Variants in PLCL1 observed in about 807,000 individuals in gnomAD.
The protein encoded by PLCL1 is inactive phospholipase C-like protein 1.
Under a neutral mutation model 84.4 loss-of-function variants are expected in PLCL1, and 41 were observed. The ratio of observed to expected loss-of-function variants is 0.49; its 90% confidence interval spans 0.38 to 0.63. PLCL1 has a LOEUF of 0.63. PLCL1 is among the 30% of genes least tolerant of loss of function. The pLI is 0.00. For synonymous variants in PLCL1, 490 were observed against 488.3 expected (o/e 1.00, Z -0.05); for missense variants, 1,206 against 1,367.8 (o/e 0.88, Z 1.87).
At chr2:198,009,595 T>C (rs1363794706) in intron 1 of PLCL1, among the ~76,000 whole-genome samples, 2 of 152,050 alleles carry the variant, frequency 1.3e-5, no homozygotes, top group East Asian at 3.8e-4. Flanking sequence ...TTCTTTGCAG[T>C]AGGTTTTGAA....
chr2:197,856,445 C>A (rs1461415752), intron 1 of PLCL1, among the ~76,000 whole-genome samples: 1 of 151,864 alleles, frequency 6.6e-6, no homozygotes, highest in Non-Finnish European at 1.5e-5. Flanking sequence ...TTTTATAAAA[C>A]AACTTACCAA....
chr2:198,096,507 T>C (rs1693196931), intron 3 of PLCL1, among the ~76,000 whole-genome samples: 1 of 152,162 alleles, frequency 6.6e-6, no homozygotes, highest in Non-Finnish European at 1.5e-5. Context: ...TTATGAAAAA[T>C]ATTTGGGTAA....
chr2:198,139,334 T>A (rs1457107082), intron 5 of PLCL1, among the ~76,000 whole-genome samples: 1 of 152,236 alleles, frequency 6.6e-6, no homozygotes, highest in East Asian at 1.9e-4. Flanking sequence ...CAAATACAAC[T>A]AGTCTATTGC....
chr2:198,100,040 T>C (rs748591924), intron 3 of PLCL1, among the ~76,000 whole-genome samples: 5 of 152,120 alleles, frequency 3.3e-5, no homozygotes, highest in African/African-American at 1.2e-4. Flanking sequence ...AAAAGAGAGA[T>C]GGGAGTTCAA....
chr2:197,913,978 T>C (rs1002986058), intron 1 of PLCL1, among the ~76,000 whole-genome samples: 1 of 152,186 alleles, frequency 6.6e-6, no homozygotes, highest in Non-Finnish European at 1.5e-5. Flanking sequence ...CTAATTAATA[T>C]GTTACTATTT....
chr2:197,948,741 G>C (rs147188942), intron 1 of PLCL1, among the ~76,000 whole-genome samples: 49 of 152,150 alleles, frequency 3.2e-4, no homozygotes, highest in African/African-American at 1.1e-3. Flanking sequence ...TATTGTATAG[G>C]GAACATCAAA....
In PLCL1 at chr2:198,085,688, A is replaced by T; in HGVS notation, c.2171A>T (p.His724Leu). 1 of 1,614,160 alleles carries T rather than the reference A, an allele frequency of 6.2e-7. No individual in the cohort carries two copies. Among genetic ancestry groups the T allele is most frequent in the Non-Finnish European group, 8.5e-7 (1 of 1,179,998 alleles). Residue 724 changes from histidine (H) to leucine (L), a missense_variant, in exon 2 of 6, where the codon CAT (histidine) becomes CTT (leucine). Coordinates refer to ENST00000428675, the MANE Select transcript of PLCL1 (RefSeq NM_006226.4). The surrounding 1 kb of genome is among the most constrained non-coding windows in gnomAD (Gnocchi z 5.3). The stretch of plus-strand genomic sequence containing the variant: ...CCTGGGGTGTCTCCTCTAGCTCTTC[A>T]TATCAAGATCATCAGTGGTCAGAAT... Reference protein sequence around the residue: ...ILPGVSPLALHIKIISGQNFP... With the variant: ...ILPGVSPLALLIKIISGQNFP...
At chr2:197,979,160 T>A (rs531154218) in intron 1 of PLCL1, among the ~76,000 whole-genome samples, 33 of 152,352 alleles carry the variant, frequency 2.2e-4, no homozygotes, top group African/African-American at 7.7e-4. Flanking sequence ...GTATCTGTTA[T>A]GGACTTAGAG....
chr2:197,961,317 G>T (rs1336040839), intron 1 of PLCL1, among the ~76,000 whole-genome samples: 4 of 151,172 alleles, frequency 2.6e-5, no homozygotes, highest in East Asian at 2.0e-4. Flanking sequence ...TGCTTGGGAG[G>T]TGTATGCTTG....
intron 1 of PLCL1, among the ~76,000 whole-genome samples, chr2:198,058,264 T>C (rs1692112894): frequency 6.6e-6 from 1 of 152,320 alleles, no homozygotes; most frequent in East Asian, 1.9e-4. Flanking sequence ...TGGTTTTATA[T>C]AGACATTGCT....
At chr2:198,053,891 A>G (rs1009523933) in intron 1 of PLCL1, among the ~76,000 whole-genome samples, 9 of 152,192 alleles carry the variant, frequency 5.9e-5, no homozygotes, top group African/African-American at 2.2e-4. Flanking sequence ...AGAGCATGTC[A>G]AAGAAGATAA....
Position 198,148,137 on chromosome 2 carries a change from G to C in PLCL1, c.*1175G>C, listed in dbSNP as rs904197506. 6.6e-6 allele frequency: 1 copy of C among 152,162 alleles called. No individual in the cohort carries two copies. Among genetic ancestry groups the C allele is most frequent in the African/African-American group, 2.4e-5 (1 of 41,398 alleles). 9.4% of individuals were successfully genotyped at this position (152,162 alleles called of 1,614,324 possible). A position where few individuals can be genotyped will look rare whatever the true frequency, so the allele number is the denominator to read the frequency against. ...ATTTTTACCCTAATGTCTTCATAAA[G>C]TACTTGAGTGTAATGTTTGTTACCT... On this transcript the variant is annotated 3_prime_UTR_variant, in exon 6 of 6. Transcript: ENST00000428675.
At chr2:198,102,523 C>T (rs752959910) in intron 4 of PLCL1, among the ~76,000 whole-genome samples, 3 of 151,982 alleles carry the variant, frequency 2.0e-5, no homozygotes, top group African/African-American at 4.8e-5. Flanking sequence ...GTGGTAGATC[C>T]CTGACCTCAT....
At chr2:197,967,100 G>C (rs1346940747) in intron 1 of PLCL1, among the ~76,000 whole-genome samples, 1 of 152,144 alleles carries the variant, frequency 6.6e-6, no homozygotes, top group Non-Finnish European at 1.5e-5. Flanking sequence ...AGTTGAATGG[G>C]TGCTGACATT....
chr2:197,922,199 G>A (rs554898654), intron 1 of PLCL1, among the ~76,000 whole-genome samples: 163 of 103,068 alleles, frequency 1.6e-3, no homozygotes, highest in Non-Finnish European at 2.2e-3. Flanking sequence ...TTGAGATTAG[G>A]GATTGGTGAT....
At chr2:198,099,034 T>C (rs1433323110) in intron 3 of PLCL1, among the ~76,000 whole-genome samples, 1 of 152,176 alleles carries the variant, frequency 6.6e-6, no homozygotes, top group Non-Finnish European at 1.5e-5. Flanking sequence ...CATTAGGAGA[T>C]ATTCATGTGA....
chr2:197,843,923 C>A (rs540969265), intron 1 of PLCL1, among the ~76,000 whole-genome samples: 1 of 151,986 alleles, frequency 6.6e-6, no homozygotes, highest in Non-Finnish European at 1.5e-5. Context: ...CCAGGCAGTG[C>A]GGCACCATAT....
Position 198,120,498 on chromosome 2 carries a change from T to C in PLCL1, c.3105+16562T>C, listed in dbSNP as rs542438699. ...TACCCTTCCCAGCCTCTAGTAACCATCCTTCTACTCTCTATGTCCATGAGT... is the reference window on the plus strand; with the variant it reads ...TACCCTTCCCAGCCTCTAGTAACCACCCTTCTACTCTCTATGTCCATGAGT... On this transcript the variant is annotated intron_variant, in intron 5 of 5. Transcript: ENST00000428675. Among the ~76,000 whole-genome samples the C allele has an allele frequency of 4.6e-5, 7 of 152,108 alleles. No homozygotes were observed. The East Asian group carries it at 1.2e-3, about 25-fold the overall frequency.
At chr2:198,047,746 A>G (rs1691839888) in intron 1 of PLCL1, among the ~76,000 whole-genome samples, 1 of 152,204 alleles carries the variant, frequency 6.6e-6, no homozygotes, top group Admixed American at 6.5e-5. Context: ...CATAAATAAC[A>G]CAAGATGATA....
Sources: gnomAD v4.1 joint callset for allele counts (sites outside exome capture counted in the v4.1 genomes callset) on GRCh38, gnomAD v4.1.1 for gene constraint, Gnocchi (gnomAD v3.1) non-coding constraint, MANE v1.5 for transcripts, NCBI Gene and HGNC (gene_info 2026-07-23, HGNC 2026-07-21) for gene names.